Variants in CCDC171 observed in about 807,000 individuals in gnomAD.
CCDC171 encodes the protein coiled-coil domain-containing protein 171.
Under a neutral mutation model 168.2 loss-of-function variants are expected in CCDC171, and 177 were observed. That is an observed-to-expected ratio of 1.05 (90% CI 0.93 to 1.19). CCDC171 has a LOEUF of 1.19. CCDC171 is among the 50% of genes most tolerant of loss of function. The pLI, the probability that CCDC171 is intolerant of heterozygous loss-of-function variation, is 0.00. For synonymous variants in CCDC171, 687 were observed against 540.8 expected (o/e 1.27, Z -3.75); for missense variants, 1,991 against 1,539.0 (o/e 1.29, Z -4.91).
rs10962127 is a variant in CCDC171 at position 15,723,739 on chromosome 9, A to G, written c.1484A>G (p.Asn495Ser). The G allele has an allele frequency of 6.9e-7, 1 of 1,447,732 alleles. No individual in the cohort carries two copies. Among genetic ancestry groups the G allele is most frequent in the Admixed American group, 1.8e-5 (1 of 55,192 alleles). The allele number at this position is 1,447,732 out of a possible 1,614,324, so 89.7% of individuals were successfully genotyped here. The change falls in exon 13 of 26, where the codon AAT becomes AGT. Residue 495 changes from asparagine (N) to serine (S), a missense_variant. By Grantham distance (46) the Asn-to-Ser change is conservative (BLOSUM62 1). Coordinates refer to ENST00000380701, the MANE Select transcript of CCDC171 (RefSeq NM_173550.4). ...TKQKIDSHTK[N>S]IKELQDKLAD... is the part of the protein sequence containing the mutation. ...CAGAAGATAGACTCTCACACTAAAAATATAAAGGTATTATTTAGAATAACT... is the reference window on the plus strand; with the variant it reads ...CAGAAGATAGACTCTCACACTAAAAGTATAAAGGTATTATTTAGAATAACT...
At chr9:16,014,348 T>C (rs906379368) in intron 3 of CCDC171, among the ~76,000 whole-genome samples, 5 of 152,334 alleles carry the variant, frequency 3.3e-5, no homozygotes, top group Non-Finnish European at 7.3e-5. Flanking sequence ...TCTTTTGCTA[T>C]TTCCACCATC....
At chr9:15,564,608 A>G (rs1012673619) in intron 2 of CCDC171, among the ~76,000 whole-genome samples, 1 of 152,154 alleles carries the variant, frequency 6.6e-6, no homozygotes, top group African/African-American at 2.4e-5. Context: ...GTAACGCCTA[A>G]TTGCTGTTGC....
At position 15,820,644 on chromosome 9, in the gene CCDC171, T is replaced by A. The variant is rs559393351; in HGVS notation, c.3268-26058T>A. On this transcript the variant is annotated intron_variant, in intron 21 of 25. Transcript: ENST00000380701. ...CCTCCTAAGACTAAACCAGGAAGAA[T>A]TTGAATCTCTGAATAGACAATAACA... 4.3e-5 allele frequency among the ~76,000 whole-genome samples: 5 copies of A among 117,070 alleles called. 1 individual carries two copies. In the East Asian group the frequency reaches 1.1e-3, roughly 25 times the overall value. 76.8% of individuals were successfully genotyped at this position (117,070 alleles called of 152,430 possible).
intron 3 of CCDC171, among the ~76,000 whole-genome samples, chr9:16,005,331 T>C (rs997650508): frequency 1.3e-5 from 2 of 152,252 alleles, no homozygotes; most frequent in African/African-American, 2.4e-5. Flanking sequence ...TCACTATTTC[T>C]TTCCTTTTTA....
Position 15,932,309 on chromosome 9 carries a change from G to T in CCDC171, c.3753+11887G>T, listed in dbSNP as rs1307497133. 5.9e-5 allele frequency among the ~76,000 whole-genome samples: 9 copies of T among 151,678 alleles called. No individual in the cohort carries two copies. The South Asian group carries it at 1.9e-3, about 31-fold the overall frequency. On this transcript the variant is annotated intron_variant, in intron 25 of 25. Coordinates refer to ENST00000380701, the MANE Select transcript of CCDC171 (RefSeq NM_173550.4). Reference sequence around the variant, plus strand: ...TTTTATTAAAATGTTATAGTGTTCAGTATAGAGATTTTTCACATCTTTGGT... The same window carrying T: ...TTTTATTAAAATGTTATAGTGTTCATTATAGAGATTTTTCACATCTTTGGT...
intron 5 of CCDC171, among the ~76,000 whole-genome samples, chr9:15,592,057 CTAAAG>C (rs906134960): frequency 3.3e-5 from 5 of 151,398 alleles, no homozygotes; most frequent in African/African-American, 1.2e-4. Flanking sequence ...TTTTTACTCC[CTAAAG>C]TAAAAGTGAT....
chr9:16,091,545 A>C, the CCDC171 span, among the ~76,000 whole-genome samples: 15 of 152,314 alleles, frequency 9.8e-5, no homozygotes, highest in South Asian at 3.1e-3. Flanking sequence ...CCTGGAGCAC[A>C]GGCCTGGTGT....
At chr9:15,737,019 T>C (rs1358763941) in intron 16 of CCDC171, among the ~76,000 whole-genome samples, 2 of 152,138 alleles carry the variant, frequency 1.3e-5, no homozygotes, top group African/African-American at 2.4e-5. Context: ...AAAATCTAAA[T>C]AGTGCTACAT....
intron 4 of CCDC171, among the ~76,000 whole-genome samples, chr9:15,584,002 G>C (rs570590292): frequency 6.6e-6 from 1 of 152,232 alleles, no homozygotes; most frequent in African/African-American, 2.4e-5. Context: ...GAGTGGCTGG[G>C]ATTACAGGTG....
At chr9:15,790,382 C>A (rs1300523872) in intron 21 of CCDC171, among the ~76,000 whole-genome samples, 1 of 152,200 alleles carries the variant, frequency 6.6e-6, no homozygotes, top group Non-Finnish European at 1.5e-5. Flanking sequence ...CTGTTGGCTG[C>A]ATAAATGTCT....
At chr9:15,661,296 A>AAAAAAAAC (rs1564160074) in intron 8 of CCDC171, among the ~76,000 whole-genome samples, 8 of 141,502 alleles carry the variant, frequency 5.7e-5, no homozygotes, top group Non-Finnish European at 7.7e-5. Context: ...AAAAAAAAAA[A>AAAAAAAAC]AAAAGTAACA....
At chr9:15,591,610 G>A (rs2042013973) in intron 5 of CCDC171, 54 bp downstream of exon 5, 1 of 962,480 alleles carries the variant, frequency 1.0e-6, no homozygotes, top group East Asian at 2.5e-5. Flanking sequence ...ACCGAGATGT[G>A]TTGTACATTA....
At chr9:15,943,304 A>T (rs1054252731) in intron 25 of CCDC171, among the ~76,000 whole-genome samples, 3 of 152,002 alleles carry the variant, frequency 2.0e-5, no homozygotes, top group Non-Finnish European at 4.4e-5. Context: ...GATCTGTGCC[A>T]GAAAAAAACA....
intron 4 of CCDC171, chr9:15,588,285 C>T: frequency 5.1e-6 from 1 of 197,128 alleles, no homozygotes; most frequent in Non-Finnish European, 1.1e-5. Context: ...AGAAGGACCC[C>T]CGGACTGACC....
At chr9:15,734,203 G>A (rs2054335005) in intron 16 of CCDC171, among the ~76,000 whole-genome samples, 2 of 152,148 alleles carry the variant, frequency 1.3e-5, no homozygotes, top group African/African-American at 4.8e-5. Flanking sequence ...TATACAAATG[G>A]AAATGATCAT....
At chr9:15,666,503 C>G (rs1365292197) in intron 9 of CCDC171, among the ~76,000 whole-genome samples, 180 bp downstream of exon 9, 1 of 152,108 alleles carries the variant, frequency 6.6e-6, no homozygotes, top group Non-Finnish European at 1.5e-5. Context: ...TGGAAATGCT[C>G]TTTTGGATAT....
intron 1 of CCDC171, among the ~76,000 whole-genome samples, chr9:15,556,545 G>T (rs1384790307): frequency 6.6e-6 from 1 of 152,150 alleles, no homozygotes; most frequent in Non-Finnish European, 1.5e-5. Context: ...ATTCTTTTGA[G>T]AAATGTCTGT....
chr9:15,986,449 CT>C (rs1831991070), intron 3 of CCDC171, among the ~76,000 whole-genome samples: 1 of 152,232 alleles, frequency 6.6e-6, no homozygotes, highest in Admixed American at 6.5e-5. Context: ...CCCGAACTTA[CT>C]TTACTAATGC....
intron 7 of CCDC171, 61 bp downstream of exon 7, chr9:15,623,474 C>A: frequency 1.4e-6 from 1 of 710,522 alleles, no homozygotes; most frequent in Non-Finnish European, 2.2e-6. Flanking sequence ...TGCGCGCGCG[C>A]GCACACACAC....
Sources: allele counts gnomAD v4.1 joint callset (sites outside exome capture counted in the v4.1 genomes callset), GRCh38; gene constraint gnomAD v4.1.1; transcripts MANE v1.5; gene names NCBI Gene and HGNC (gene_info 2026-07-23, HGNC 2026-07-21).